Variants in ADGRG6 observed in about 807,000 individuals in gnomAD.
ADGRG6 encodes the protein adhesion G protein-coupled receptor G6, also known as G-protein coupled receptor 126.
In ADGRG6, 84 loss-of-function variants were observed where a neutral mutation model predicts 142.4. That is an observed-to-expected ratio of 0.59 (90% confidence interval 0.49 to 0.71). ADGRG6 has a LOEUF of 0.71. Among genes scored for constraint, ADGRG6 ranks in the 30% least tolerant of loss-of-function variants. The pLI, the probability that ADGRG6 is intolerant of heterozygous loss-of-function variation, is 0.00. For missense variants in ADGRG6, 1,367 were observed against 1,466.6 expected (o/e 0.93, Z 1.11); for synonymous variants, 521 against 520.5 (o/e 1.00, Z -0.01).
intron 2 of ADGRG6, among the ~76,000 whole-genome samples, chr6:142,336,590 A>C (rs1479563264): frequency 6.6e-6 from 1 of 152,204 alleles, no homozygotes; most frequent in East Asian, 1.9e-4. Context: ...ACTAAAATAA[A>C]TGTAACATCC....
intron 2 of ADGRG6, among the ~76,000 whole-genome samples, chr6:142,330,389 A>G (rs1314426894): frequency 2.0e-5 from 3 of 152,126 alleles, no homozygotes; most frequent in African/African-American, 7.2e-5. Context: ...GGTGGTGAAA[A>G]CATTTTTTTC....
At chr6:142,318,107 T>TA (rs1312990895) in intron 2 of ADGRG6, among the ~76,000 whole-genome samples, 1 of 17,646 alleles carries the variant, frequency 5.7e-5, no homozygotes, top group Non-Finnish European at 7.8e-5. Flanking sequence ...TATATTTATA[T>TA]ATATTATATA....
Position 142,374,475 on chromosome 6 carries a change from A to G in ADGRG6, c.1069+3682A>G, listed in dbSNP as rs956459739. 3.3e-5 allele frequency among the ~76,000 whole-genome samples: 5 copies of G among 152,356 alleles called. No individual in the cohort carries two copies. The South Asian group carries it at 6.2e-4, about 19-fold the overall frequency. On this transcript the variant is annotated intron_variant, in intron 4 of 24. Transcript: ENST00000367609. ...GAATACACTAGGCTACTATATCTGC[A>G]TGGCCAACACAGCTGGAGCTAAATG...
chr6:142,402,111 G>A, intron 12 of ADGRG6, 53 bp downstream of exon 12: 1 of 811,544 alleles, frequency 1.2e-6, no homozygotes, highest in Non-Finnish European at 2.1e-6. Context: ...ATGACTTCAT[G>A]CTTCATGATT....
intron 22 of ADGRG6, among the ~76,000 whole-genome samples, chr6:142,435,107 A>G (rs1428094152): frequency 2.6e-5 from 4 of 152,142 alleles, no homozygotes; most frequent in Non-Finnish European, 4.4e-5. Flanking sequence ...AAAGGAACAT[A>G]TAAGTTTTAA....
At position 142,438,197 on chromosome 6, in the gene ADGRG6, C is replaced by T. The variant is rs1370140150; in HGVS notation, c.3422-15C>T. On this transcript the variant is annotated splice_polypyrimidine_tract_variant and intron_variant, in intron 23 of 24. Coordinates refer to ENST00000367609, the MANE Select transcript of ADGRG6 (RefSeq NM_198569.3). ...GTAAAGCAGATTGATAGGGTGATGTCATTTTTTTTTTCAGATTGGAGTAAG... is the reference window on the plus strand; with the variant it reads ...GTAAAGCAGATTGATAGGGTGATGTTATTTTTTTTTTCAGATTGGAGTAAG... 1.3e-6 allele frequency: 2 copies of T among 1,531,912 alleles called. No individual in the cohort carries two copies. The highest frequency in any genetic ancestry group is 1.8e-6 in the Non-Finnish European group (2 of 1,127,066). 94.9% of individuals were successfully genotyped at this position (1,531,912 alleles called of 1,614,324 possible). A position where few individuals can be genotyped will look rare whatever the true frequency, so the allele number is the denominator to read the frequency against.
At position 142,338,027 on chromosome 6, in the gene ADGRG6, T is replaced by TTTTTTTGTTTTTG. The variant is rs1779422027; in HGVS notation, c.103+28389_103+28390insGTTTTTGTTTTTT. Among the ~76,000 whole-genome samples, 3 of 58,002 alleles carry TTTTTTTGTTTTTG rather than the reference T, an allele frequency of 5.2e-5. 1 individual carries two copies. Among genetic ancestry groups the TTTTTTTGTTTTTG allele is most frequent in the Non-Finnish European group, 1.0e-4 (3 of 29,194 alleles). 38.1% of individuals were successfully genotyped at this position (58,002 alleles called of 152,430 possible). ...ATGCCTTGTATCTTTGTTTTTTTTT[T>TTTTTTTGTTTTTG]TTTTTTTTTTTGAGACGGAGTCTCG... On this transcript the variant is annotated intron_variant, in intron 2 of 24. Coordinates refer to ENST00000367609, the MANE Select transcript of ADGRG6 (RefSeq NM_198569.3).
intron 2 of ADGRG6, among the ~76,000 whole-genome samples, chr6:142,364,935 T>C (rs1336364483): frequency 1.3e-5 from 2 of 152,160 alleles, no homozygotes; most frequent in Non-Finnish European, 2.9e-5. Context: ...TTGGCAAAGA[T>C]AATATATAGG....
chr6:142,304,381 G>A (rs985485332), intron 1 of ADGRG6, among the ~76,000 whole-genome samples: 2 of 152,192 alleles, frequency 1.3e-5, no homozygotes, highest in Non-Finnish European at 2.9e-5. Flanking sequence ...AAATTTAGCA[G>A]ATGTAGCAAG....
At chr6:142,341,904 A>C (rs1779677300) in intron 2 of ADGRG6, among the ~76,000 whole-genome samples, 1 of 151,854 alleles carries the variant, frequency 6.6e-6, no homozygotes, top group Non-Finnish European at 1.5e-5. Flanking sequence ...GATCATTCTG[A>C]AACTTGAGTA....
chr6:142,331,927 T>C (rs1779083226), intron 2 of ADGRG6, among the ~76,000 whole-genome samples: 1 of 152,178 alleles, frequency 6.6e-6, no homozygotes, highest in Admixed American at 6.5e-5. Flanking sequence ...CTCAGAAAAG[T>C]TAACTGTATT....
intron 2 of ADGRG6, among the ~76,000 whole-genome samples, chr6:142,318,111 T>TATATTTATATAA (rs1651929383): frequency 1.1e-4 from 1 of 9,056 alleles, no homozygotes; most frequent in African/African-American, 6.9e-4. Context: ...TTTATATATA[T>TATATTTATATAA]TATATATTAT....
intron 14 of ADGRG6, among the ~76,000 whole-genome samples, chr6:142,404,704 TGG>T (rs971746365): frequency 6.6e-6 from 1 of 152,126 alleles, no homozygotes; most frequent in African/African-American, 2.4e-5. Flanking sequence ...AACAGATTTC[TGG>T]GACCTACTCC....
At chr6:142,321,286 TACACACAC>T (rs10632214) in intron 2 of ADGRG6, among the ~76,000 whole-genome samples, 2 of 147,884 alleles carry the variant, frequency 1.4e-5, no homozygotes, top group African/African-American at 2.5e-5. Flanking sequence ...TAAGCATGCA[TACACACAC>T]ACACACACAC....
At position 142,402,007 on chromosome 6, in the gene ADGRG6, A is replaced by C. The variant is rs746431638; in HGVS notation, c.1693A>C (p.Thr565Pro). The C allele has an allele frequency of 1.3e-6, 2 of 1,514,902 alleles. No homozygotes were observed. The allele number at this position is 1,514,902 out of a possible 1,614,324, so 93.8% of individuals were successfully genotyped here. Reference protein sequence around the residue: ...SASRICFYNATNPLVTYWGPV... With the variant: ...SASRICFYNAPNPLVTYWGPV... Reference sequence around the variant, plus strand: ...TTTGTTTCATAGTTTTTACAATGCTACCAACCCATTGGTAACCTACTGGGG... The same window carrying C: ...TTTGTTTCATAGTTTTTACAATGCTCCCAACCCATTGGTAACCTACTGGGG... Residue 565 changes from threonine (T) to proline (P), a missense_variant, in exon 12 of 25, where the codon ACC (threonine) becomes CCC (proline). Coordinates refer to ENST00000367609, the MANE Select transcript of ADGRG6 (RefSeq NM_198569.3).
intron 20 of ADGRG6, 65 bp downstream of exon 20, chr6:142,416,129 A>T: frequency 8.3e-7 from 1 of 1,207,732 alleles, no homozygotes; most frequent in Non-Finnish European, 1.2e-6. Flanking sequence ...TTCTCATAGG[A>T]AAAAATCTTA....
intron 2 of ADGRG6, 82 bp downstream of exon 2, chr6:142,309,726 CCTTA>C (rs1777674211): frequency 3.4e-6 from 3 of 874,236 alleles, no homozygotes; most frequent in Non-Finnish European, 5.0e-6. Flanking sequence ...ATTTATGTTG[CCTTA>C]CTTTTACTTA....
At chr6:142,437,649 C>T in intron 23 of ADGRG6, 114 bp downstream of exon 23, 1 of 662,686 alleles carries the variant, frequency 1.5e-6, no homozygotes, top group Non-Finnish European at 2.8e-6. Context: ...TGAAGTGGAG[C>T]ATGTGAAGAT....
chr6:142,352,675 T>A (rs534679767), intron 2 of ADGRG6, among the ~76,000 whole-genome samples: 1 of 152,288 alleles, frequency 6.6e-6, no homozygotes, highest in Admixed American at 6.5e-5. Flanking sequence ...ATGTTGGATA[T>A]TGTATGTATT....
Sources: gnomAD v4.1 joint callset for allele counts (sites outside exome capture counted in the v4.1 genomes callset) on GRCh38, gnomAD v4.1.1 for gene constraint, MANE v1.5 for transcripts, NCBI Gene and HGNC (gene_info 2026-07-23, HGNC 2026-07-21) for gene names.